The following RAB11FIP2 variants were observed in gnomAD, a reference collection of about 807,000 sequenced individuals.
RAB11FIP2 encodes RAB11 family interacting protein 2, also known as rab11 family-interacting protein 2.
RAB11FIP2 carries 16 observed loss-of-function variants against 40.9 expected under a neutral mutation model. That is an observed-to-expected ratio of 0.39 (90% CI 0.26 to 0.59). The LOEUF is 0.59. Among genes scored for constraint, RAB11FIP2 ranks in the 20% least tolerant of loss-of-function variants. The pLI is 0.53. For missense variants in RAB11FIP2, 532 were observed against 606.2 expected, an observed-to-expected ratio of 0.88 and a Z score of 1.28; for synonymous variants, 228 against 213.7, an observed-to-expected ratio of 1.07 and a Z score of -0.58.
At position 118,004,957 on chromosome 10, in the gene RAB11FIP2, ATAT is replaced by A. The variant is rs1044473737; in HGVS notation, c.*4038_*4040del. 1 of 152,664 alleles carries A rather than the reference ATAT, an allele frequency of 6.6e-6. No individual in the cohort carries two copies. The highest frequency in any genetic ancestry group is 2.4e-5 in the African/African-American group (1 of 41,470). The allele number at this position is 152,664 out of a possible 1,614,324, so 9.5% of individuals were successfully genotyped here. ...TAATCAACTATAAGTCAATAATCATATATTATATAAAAATTCTGATTCATGCAT... is the reference window on the plus strand; with the variant it reads ...TAATCAACTATAAGTCAATAATCATATATATAAAAATTCTGATTCATGCAT... On this transcript the variant is annotated 3_prime_UTR_variant, in exon 5 of 5. Transcript: ENST00000355624.
At chr10:118,012,410 G>T (rs1298511933) in intron 4 of RAB11FIP2, among the ~76,000 whole-genome samples, 5 of 151,746 alleles carry the variant, frequency 3.3e-5, no homozygotes, top group Admixed American at 6.6e-5. Context: ...TTCTGGAAAA[G>T]AATATAAAAT....
chr10:118,026,948 C>T (rs1255156060), intron 3 of RAB11FIP2, among the ~76,000 whole-genome samples: 1 of 152,112 alleles, frequency 6.6e-6, no homozygotes, highest in East Asian at 1.9e-4. Flanking sequence ...GGTCCTTTAT[C>T]AGTTGGTGAA....
Position 118,012,528 on chromosome 10 carries a change from CAT to C in RAB11FIP2, c.1311+2535_1311+2536del, listed in dbSNP as rs148960599. On this transcript the variant is annotated intron_variant, in intron 4 of 4. Transcript: ENST00000355624. The stretch of plus-strand genomic sequence containing the variant: ...TTCTTAAATTGACTGATATACTCCA[CAT>C]ATATATATATATTTCTGTTTGTTGA... Among the ~76,000 whole-genome samples the C allele has an allele frequency of 1.3e-3, 193 of 150,514 alleles. 4 individuals are homozygous for C. In the East Asian group the frequency reaches 0.024, roughly 19 times the overall value.
chr10:118,034,931 C>G (rs553455525), intron 3 of RAB11FIP2, among the ~76,000 whole-genome samples: 1 of 152,178 alleles, frequency 6.6e-6, no homozygotes, highest in Non-Finnish European at 1.5e-5. Flanking sequence ...AATTCAGCTT[C>G]CTTCTGCGTA....
chr10:118,011,344 C>T (rs1430601293), intron 4 of RAB11FIP2, among the ~76,000 whole-genome samples: 2 of 151,860 alleles, frequency 1.3e-5, no homozygotes, highest in African/African-American at 4.8e-5. Context: ...TTTTACTTCT[C>T]CCTCCTCTCT....
chr10:118,038,099 T>TG (rs1206857213), intron 3 of RAB11FIP2, among the ~76,000 whole-genome samples: 2 of 151,900 alleles, frequency 1.3e-5, no homozygotes, highest in Admixed American at 6.6e-5. Context: ...CCTGCAAATA[T>TG]GGGGGGCCAA....
chr10:118,029,406 C>G (rs79003468), intron 3 of RAB11FIP2, among the ~76,000 whole-genome samples: 867 of 152,256 alleles, frequency 5.7e-3, no homozygotes, highest in Non-Finnish European at 8.4e-3. Context: ...CATCCTCTGT[C>G]CTCAACAGCT....
rs916179450 is a variant in RAB11FIP2 at position 118,046,241 on chromosome 10, A to T, written c.-78T>A. The T allele has an allele frequency of 1.2e-5, 14 of 1,208,728 alleles. No homozygotes were observed. The highest frequency in any genetic ancestry group is 1.6e-5 in the Non-Finnish European group (13 of 838,294). The allele number at this position is 1,208,728 out of a possible 1,614,324, so 74.9% of individuals were successfully genotyped here. A position where few individuals can be genotyped will look rare whatever the true frequency, so the allele number is the denominator to read the frequency against. ...GGAGGGAGAGCCTAATTCCTTAATC[A>T]CTGCATCCTAAGGACACTTAACGGA... is the stretch of plus-strand genomic sequence containing the variant. On this transcript the variant is annotated 5_prime_UTR_variant, in exon 1 of 5. The change abolishes the stop of an existing upstream ORF in the 5' untranslated region. Coordinates refer to ENST00000355624, the MANE Select transcript of RAB11FIP2 (RefSeq NM_014904.3).
chr10:118,011,914 T>G (rs995496772), intron 4 of RAB11FIP2, among the ~76,000 whole-genome samples: 2 of 152,020 alleles, frequency 1.3e-5, no homozygotes, highest in Non-Finnish European at 2.9e-5. Context: ...TTCAAGTCTC[T>G]CTAATCTTAA....
intron 1 of RAB11FIP2, 144 bp from the exon 2 acceptor site, chr10:118,040,709 T>G: frequency 1.6e-6 from 1 of 611,084 alleles, no homozygotes; most frequent in Non-Finnish European, 2.8e-6. Context: ...AGCCACAGTA[T>G]TTCGGGCTTT....
intron 4 of RAB11FIP2, among the ~76,000 whole-genome samples, chr10:118,013,824 T>G (rs1420529738): frequency 6.6e-6 from 1 of 152,128 alleles, no homozygotes; most frequent in Non-Finnish European, 1.5e-5. Flanking sequence ...TTACAAGATT[T>G]GGAAAAGTAC....
At chr10:118,044,483 T>A (rs1195873063) in intron 1 of RAB11FIP2, among the ~76,000 whole-genome samples, 8 of 152,194 alleles carry the variant, frequency 5.3e-5, no homozygotes, top group Non-Finnish European at 1.0e-4. Flanking sequence ...TCTTTAGGTA[T>A]CAAATAATTT....
chr10:118,036,088 T>G (rs555564554), intron 3 of RAB11FIP2, among the ~76,000 whole-genome samples: 2 of 152,230 alleles, frequency 1.3e-5, no homozygotes, highest in African/African-American at 4.8e-5. Flanking sequence ...AAAAAAAGTG[T>G]GCCTTAGTAC....
Position 118,039,397 on chromosome 10 carries a change from A to T in RAB11FIP2, c.840T>A (p.Thr280=), listed in dbSNP as rs1477043947. The change falls in exon 3 of 5, where the codon ACT becomes ACA. Residue 280 remains threonine (T), a synonymous_variant. Transcript: ENST00000355624. ...SPHRRTLSFD[T]SKMNQPDSIV... is the part of the protein sequence containing the mutation. ...TGCTGTCAGGTTGGTTCATTTTAGAAGTATCAAAGCTTAATGTTCTTCTGT... is the reference window on the plus strand; with the variant it reads ...TGCTGTCAGGTTGGTTCATTTTAGATGTATCAAAGCTTAATGTTCTTCTGT... 3.7e-6 allele frequency: 6 copies of T among 1,613,280 alleles called. No homozygotes were observed. The highest frequency in any genetic ancestry group is 2.5e-6 in the Non-Finnish European group (3 of 1,179,532).
At chr10:118,029,560 G>C (rs999163118) in intron 3 of RAB11FIP2, among the ~76,000 whole-genome samples, 15 of 152,078 alleles carry the variant, frequency 9.9e-5, no homozygotes, top group Non-Finnish European at 1.9e-4. Flanking sequence ...AGCACAAAGA[G>C]CAGGATTTAT....
intron 3 of RAB11FIP2, among the ~76,000 whole-genome samples, chr10:118,035,855 T>C (rs1194005133): frequency 1.3e-5 from 2 of 152,188 alleles, no homozygotes; most frequent in South Asian, 4.1e-4. Context: ...AATAGGGGCA[T>C]GTAAGAGACT....
At position 118,008,870 on chromosome 10, in the gene RAB11FIP2, T is replaced by G. The variant is rs1846124585; in HGVS notation, c.*128A>C. 1 of 738,742 alleles carries G rather than the reference T, an allele frequency of 1.4e-6. No homozygotes were observed. The highest frequency in any genetic ancestry group is 1.9e-5 in the South Asian group (1 of 53,432). The allele number at this position is 738,742 out of a possible 1,614,324, so 45.8% of individuals were successfully genotyped here. A position where few individuals can be genotyped will look rare whatever the true frequency, so the allele number is the denominator to read the frequency against. On this transcript the variant is annotated 3_prime_UTR_variant, in exon 5 of 5. Transcript: ENST00000355624. ...TGCTAATATTTACAGGTAAAACTAC[T>G]CTTCACAATAAAGGAGAATATGTAA...
At chr10:118,035,821 C>G (rs1846474078) in intron 3 of RAB11FIP2, among the ~76,000 whole-genome samples, 1 of 152,016 alleles carries the variant, frequency 6.6e-6, no homozygotes, top group Non-Finnish European at 1.5e-5. Flanking sequence ...CCCCTCCCTA[C>G]AAGAACAGGA....
chr10:118,018,183 AC>A (rs1846244234), intron 3 of RAB11FIP2: 2 of 152,214 alleles, frequency 1.3e-5, no homozygotes, highest in South Asian at 4.1e-4. Flanking sequence ...CGTGTCAAAC[AC>A]TTGACGAACT....
Sources: allele counts gnomAD v4.1 joint callset (sites outside exome capture counted in the v4.1 genomes callset), GRCh38; gene constraint gnomAD v4.1.1; transcripts MANE v1.5; gene names NCBI Gene and HGNC (gene_info 2026-07-23, HGNC 2026-07-21).